Variants in DLG5 observed in about 807,000 individuals in gnomAD.
DLG5 encodes the protein disks large homolog 5.
DLG5 carries 48 observed loss-of-function variants against 189.8 expected under a neutral mutation model. The ratio of observed to expected loss-of-function variants is 0.25; its 90% CI spans 0.20 to 0.32. The LOEUF (loss-of-function observed/expected upper bound fraction) is 0.32. Ranked by LOEUF, DLG5 falls within the 10% of genes least tolerant of loss-of-function variation. DLG5 has a pLI of 1.00. For synonymous variants in DLG5, 1,016 were observed against 1,054.1 expected (o/e 0.96, Z 0.70); for missense variants, 2,160 against 2,544.7 (o/e 0.85, Z 3.25).
At chr10:77,809,858 G>C in intron 23 of DLG5, 128 bp from the exon 24 acceptor site, 1 of 1,123,852 alleles carries the variant, frequency 8.9e-7, no homozygotes, top group Non-Finnish European at 1.3e-6. Flanking sequence ...GGAGCTGAGA[G>C]GTGGCCTCTA....
intron 1 of DLG5, among the ~76,000 whole-genome samples, chr10:77,874,527 TAC>T (rs775236911): frequency 6.6e-4 from 100 of 152,334 alleles, no homozygotes; most frequent in Middle Eastern, 3.4e-3. Flanking sequence ...AGGCGCAGGA[TAC>T]AGTTTATTCT....
chr10:77,812,088 G>C, intron 21 of DLG5, 31 bp from the exon 22 acceptor site: 1 of 1,606,212 alleles, frequency 6.2e-7, no homozygotes, highest in Non-Finnish European at 8.5e-7. Flanking sequence ...GCTCAGTGGG[G>C]GGGTCGGGGC....
At chr10:77,800,496 C>T (rs1244801490) in intron 27 of DLG5, among the ~76,000 whole-genome samples, 1 of 151,476 alleles carries the variant, frequency 6.6e-6, no homozygotes, top group African/African-American at 2.4e-5. Context: ...GGCACGGGGC[C>T]GCCGCTGAGG....
intron 18 of DLG5, among the ~76,000 whole-genome samples, chr10:77,817,341 C>T (rs1842110385): frequency 6.6e-6 from 1 of 152,232 alleles, no homozygotes; most frequent in Non-Finnish European, 1.5e-5. Flanking sequence ...CACGGAACAG[C>T]AGCCTAAGAG....
chr10:77,910,091 C>G (rs1345604593), intron 1 of DLG5, among the ~76,000 whole-genome samples: 1 of 152,146 alleles, frequency 6.6e-6, no homozygotes, highest in Admixed American at 6.5e-5. Context: ...GATATCACGT[C>G]CTACGTCTAC....
intron 1 of DLG5, among the ~76,000 whole-genome samples, chr10:77,874,131 A>C (rs1396717168): frequency 6.6e-6 from 1 of 152,232 alleles, no homozygotes; most frequent in Non-Finnish European, 1.5e-5. Flanking sequence ...CGGGAGAAAG[A>C]ATGGCAAGCC....
intron 19 of DLG5, 76 bp from the exon 20 acceptor site, chr10:77,816,777 C>T (rs1448209440): frequency 5.2e-6 from 8 of 1,541,394 alleles, no homozygotes; most frequent in African/African-American, 4.1e-5. Flanking sequence ...GAGGCAGGTG[C>T]GATCCAGACA....
intron 5 of DLG5, 33 bp downstream of exon 5, chr10:77,853,321 G>A (rs759679336): frequency 3.5e-6 from 5 of 1,444,206 alleles, no homozygotes; most frequent in Non-Finnish European, 4.6e-6. Context: ...GACTACTTGG[G>A]AGAAATGGCC....
rs777016594 is a variant in DLG5 at position 77,822,115 on chromosome 10, G to A, written c.2383-14C>T. ...CTGAGGGAATACCTAGGCAGGGATT[G>A]CAGAGGAGTGAGAGAGAGAGTGAGA... is the stretch of plus-strand genomic sequence containing the variant. On this transcript the variant is annotated splice_polypyrimidine_tract_variant and intron_variant, in intron 14 of 31. Coordinates refer to ENST00000372391, the MANE Select transcript of DLG5 (RefSeq NM_004747.4). The A allele has an allele frequency of 7.5e-6, 12 of 1,602,112 alleles. No individual in the cohort carries two copies. In the Admixed American group the frequency reaches 1.9e-4, roughly 25 times the overall value.
chr10:77,808,078 C>T, intron 24 of DLG5, 134 bp from the exon 25 acceptor site: 1 of 1,101,168 alleles, frequency 9.1e-7, no homozygotes, highest in South Asian at 1.6e-5. Context: ...TACCTCCCCT[C>T]TGCAGGAAGG....
chr10:77,867,762 G>A (rs1388510335), intron 2 of DLG5, among the ~76,000 whole-genome samples: 1 of 152,314 alleles, frequency 6.6e-6, no homozygotes, highest in African/African-American at 2.4e-5. Context: ...TTTCCGAGGC[G>A]CATTTGCATT....
chr10:77,940,096 A>G, the DLG5 span, among the ~76,000 whole-genome samples: 1 of 152,262 alleles, frequency 6.6e-6, no homozygotes, highest in Admixed American at 6.5e-5. Context: ...GACCAACAAC[A>G]TCCTAATTTT....
At chr10:77,912,763 A>G (rs1846260240) in intron 1 of DLG5, among the ~76,000 whole-genome samples, 1 of 152,208 alleles carries the variant, frequency 6.6e-6, no homozygotes, top group African/African-American at 2.4e-5. Flanking sequence ...CAGTGAAAAC[A>G]CCATCTGCAG....
At chr10:77,936,441 CA>C in the DLG5 span, among the ~76,000 whole-genome samples, 3 of 87,846 alleles carry the variant, frequency 3.4e-5, no homozygotes, top group African/African-American at 1.3e-4. Flanking sequence ...CGTCTCAAAA[CA>C]AAACAAAAAA....
At chr10:77,887,078 G>A (rs1359597729) in intron 1 of DLG5, among the ~76,000 whole-genome samples, 11 of 152,168 alleles carry the variant, frequency 7.2e-5, no homozygotes, top group Admixed American at 6.5e-4. Flanking sequence ...ATTTACCCAT[G>A]CTCTGTGCAG....
chr10:77,801,941 C>T (rs556710829), intron 27 of DLG5, among the ~76,000 whole-genome samples: 36 of 152,190 alleles, frequency 2.4e-4, no homozygotes, highest in Non-Finnish European at 4.6e-4. Context: ...TAAAACCCCA[C>T]GGGTCCTCTG....
intron 1 of DLG5, among the ~76,000 whole-genome samples, chr10:77,870,332 C>T (rs1461550675): frequency 6.6e-6 from 1 of 152,202 alleles, no homozygotes; most frequent in Non-Finnish European, 1.5e-5. Flanking sequence ...CATCAGAAAG[C>T]TGCCAAGAAC....
intron 5 of DLG5, among the ~76,000 whole-genome samples, chr10:77,847,357 A>ACTCCTAACCTCTGGTT (rs1209609306): frequency 6.6e-6 from 1 of 151,880 alleles, no homozygotes; most frequent in East Asian, 1.9e-4. Context: ...CCTCCCTGCA[A>ACTCCTAACCTCTGGTT]CTCCTAACCT....
chr10:77,932,054 T>G, the DLG5 span, among the ~76,000 whole-genome samples: 2 of 152,244 alleles, frequency 1.3e-5, no homozygotes, highest in African/African-American at 4.8e-5. Flanking sequence ...TGGCAACTTA[T>G]GAGCTGAGCG....
Sources: allele counts gnomAD v4.1 joint callset (sites outside exome capture counted in the v4.1 genomes callset), GRCh38; gene constraint gnomAD v4.1.1; transcripts MANE v1.5; gene names NCBI Gene and HGNC (gene_info 2026-07-23, HGNC 2026-07-21).